Variants in FAM110B observed in about 807,000 individuals in gnomAD.
FAM110B encodes the protein protein FAM110B.
Under a neutral mutation model 20.4 loss-of-function variants are expected in FAM110B, and 6 were observed. The ratio of observed to expected loss-of-function variants is 0.29; its 90% confidence interval spans 0.16 to 0.58. The LOEUF (loss-of-function observed/expected upper bound fraction) is 0.58, where lower values mean the gene tolerates loss of function less well. Ranked by LOEUF, FAM110B falls within the 20% of genes least tolerant of loss-of-function variation. FAM110B has a pLI of 0.90. For missense variants in FAM110B, 434 were observed against 498.2 expected (o/e 0.87, Z 1.23); for synonymous variants, 226 against 214.1 (o/e 1.06, Z -0.49).
At chr8:58,058,003 C>T (rs529470161) in intron 2 of FAM110B, among the ~76,000 whole-genome samples, 7 of 152,254 alleles carry the variant, frequency 4.6e-5, no homozygotes, top group Admixed American at 6.5e-5. Context: ...CCCTTGGGGC[C>T]GTGGGGAGAG....
At chr8:58,027,715 G>T (rs1804880694) in intron 1 of FAM110B, among the ~76,000 whole-genome samples, 1 of 151,994 alleles carries the variant, frequency 6.6e-6, no homozygotes, top group Non-Finnish European at 1.5e-5. Context: ...TTTGTGTTTG[G>T]CTTCTTTTCC....
At chr8:58,054,924 TTTA>T (rs973717742) in intron 2 of FAM110B, among the ~76,000 whole-genome samples, 2 of 152,040 alleles carry the variant, frequency 1.3e-5, no homozygotes, top group African/African-American at 4.8e-5. Flanking sequence ...CTTCTTTTTT[TTTA>T]ACCTGATATT....
chr8:58,134,897 C>T (rs1433662385), intron 3 of FAM110B, among the ~76,000 whole-genome samples: 2 of 151,906 alleles, frequency 1.3e-5, no homozygotes, highest in African/African-American at 2.4e-5. Flanking sequence ...GGCTTTTTTT[C>T]GTCCTTCACC....
intron 2 of FAM110B, among the ~76,000 whole-genome samples, chr8:58,045,982 C>T (rs1411650295): frequency 1.3e-5 from 2 of 152,146 alleles, no homozygotes; most frequent in African/African-American, 4.8e-5. Flanking sequence ...GACAAGGCAG[C>T]TCTCTGGGGC....
At chr8:58,136,300 G>A (rs957668306) in intron 3 of FAM110B, among the ~76,000 whole-genome samples, 8 of 152,068 alleles carry the variant, frequency 5.3e-5, no homozygotes, top group Non-Finnish European at 8.8e-5. Context: ...GTGAGCCACC[G>A]TGCCCCGGCC....
At chr8:58,122,074 T>C (rs1807376550) in intron 3 of FAM110B, among the ~76,000 whole-genome samples, 1 of 152,216 alleles carries the variant, frequency 6.6e-6, no homozygotes, top group African/African-American at 2.4e-5. Flanking sequence ...ACAAGTATCT[T>C]TATTCTATCC....
chr8:58,131,103 G>A (rs909615823), intron 3 of FAM110B, among the ~76,000 whole-genome samples: 6 of 151,998 alleles, frequency 3.9e-5, no homozygotes, highest in African/African-American at 7.3e-5. Context: ...CTCCTCCAAC[G>A]CCACCGACCA....
chr8:58,119,315 T>C (rs1281797465), intron 3 of FAM110B, among the ~76,000 whole-genome samples: 1 of 152,234 alleles, frequency 6.6e-6, no homozygotes, highest in Non-Finnish European at 1.5e-5. Context: ...ACCAGCAGAT[T>C]TGGTGTCTGG....
intron 1 of FAM110B, among the ~76,000 whole-genome samples, chr8:58,006,923 A>ATATATATATATATATATATTTTTTTTTT: frequency 2.4e-5 from 3 of 126,532 alleles, no homozygotes; most frequent in African/African-American, 9.1e-5. Flanking sequence ...ATATATATAT[A>ATATATATATATATATATATTTTTTTTTT]TTTTTCCAAA....
At chr8:58,035,444 AT>A (rs1162345500) in intron 2 of FAM110B, among the ~76,000 whole-genome samples, 1 of 152,208 alleles carries the variant, frequency 6.6e-6, no homozygotes, top group Non-Finnish European at 1.5e-5. Context: ...TGTTTCACAC[AT>A]TTGTTTTTCG....
chr8:58,052,772 CTTTTTTTTTTTTTTTTTTTT>C (rs71248165), intron 2 of FAM110B, among the ~76,000 whole-genome samples: 1 of 52,290 alleles, frequency 1.9e-5, no homozygotes, highest in African/African-American at 7.4e-5. Flanking sequence ...GTGATGGACT[CTTTTTTTTTTTTTTTTTTTT>C]TTTTTTTTTT....
rs74415002 is a variant in FAM110B at position 58,000,289 on chromosome 8, A to G, written c.-512+5483A>G. On this transcript the variant is annotated intron_variant, in intron 1 of 3. Coordinates refer to ENST00000519262, the MANE Select transcript of FAM110B (RefSeq NM_001377989.1). ...TAGTTTGAGTATAGGGGAAGCTGCC[A>G]GATGGATGATGGATGATGGATGGTA... Among the ~76,000 whole-genome samples the G allele has an allele frequency of 1.7e-3, 264 of 152,268 alleles. 10 individuals are homozygous for G. In the East Asian group the frequency reaches 0.043, roughly 25 times the overall value.
chr8:58,077,145 C>T (rs79111572), intron 3 of FAM110B: 2,535 of 152,282 alleles, frequency 0.017, 32 homozygotes, highest in Non-Finnish European at 0.03. Flanking sequence ...AGCTCTGATA[C>T]GAAAGCCGGG....
chr8:58,001,207 A>G (rs1247919432), intron 1 of FAM110B, among the ~76,000 whole-genome samples: 1 of 152,020 alleles, frequency 6.6e-6, no homozygotes, highest in African/African-American at 2.4e-5. Context: ...TTATTGGTGG[A>G]GAGTAGTACA....
chr8:57,997,862 C>G (rs1271100995), intron 1 of FAM110B, among the ~76,000 whole-genome samples: 1 of 152,194 alleles, frequency 6.6e-6, no homozygotes, highest in East Asian at 1.9e-4. Context: ...GGTGTCTCCT[C>G]TAAGAGAGAG....
In FAM110B at chr8:58,070,705, A is replaced by G. The variant is rs1040835825; in HGVS notation, c.-413-4830A>G. On this transcript the variant is annotated intron_variant, in intron 2 of 3. Coordinates refer to ENST00000519262, the MANE Select transcript of FAM110B (RefSeq NM_001377989.1). ...TCTTTGTAGGTGTGTTTCAGTACCCAGTAGACTTTGTTTGCATTGAGTCCA... is the reference window on the plus strand; with the variant it reads ...TCTTTGTAGGTGTGTTTCAGTACCCGGTAGACTTTGTTTGCATTGAGTCCA... Among the ~76,000 whole-genome samples, 3 of 152,200 alleles carry G rather than the reference A, an allele frequency of 2.0e-5. No homozygotes were observed. In the East Asian group the frequency reaches 5.8e-4, roughly 29 times the overall value.
intron 2 of FAM110B, among the ~76,000 whole-genome samples, chr8:58,054,778 C>A (rs562766830): frequency 6.6e-6 from 1 of 152,216 alleles, no homozygotes; most frequent in Non-Finnish European, 1.5e-5. Flanking sequence ...AAGCAAAAGA[C>A]CTCTACCTGT....
intron 3 of FAM110B, among the ~76,000 whole-genome samples, chr8:58,133,195 G>T (rs1165082922): frequency 6.8e-6 from 1 of 146,886 alleles, no homozygotes; most frequent in Non-Finnish European, 1.5e-5. Flanking sequence ...TCTTAAGTGA[G>T]CTCGATTTTG....
chr8:58,146,455 G>T lies in FAM110B; in HGVS notation c.225G>T (p.Val75=). 6.2e-7 allele frequency: 1 copy of T among 1,613,428 alleles called. No individual in the cohort carries two copies. ...QEVINAKQEP[V]KPAVLAKPPV... is the part of the protein sequence containing the mutation. ...TGATCAACGCCAAGCAGGAGCCCGT[G>T]AAGCCCGCCGTGCTGGCCAAGCCCC... Residue 75 remains valine, a synonymous_variant, in exon 4 of 4, where the codon GTG becomes GTT. Coordinates refer to ENST00000519262, the MANE Select transcript of FAM110B (RefSeq NM_001377989.1).
Sources: gnomAD v4.1 joint callset for allele counts (sites outside exome capture counted in the v4.1 genomes callset) on GRCh38, gnomAD v4.1.1 for gene constraint, MANE v1.5 for transcripts, NCBI Gene and HGNC (gene_info 2026-07-23, HGNC 2026-07-21) for gene names.